Variants in AMBRA1 observed in about 807,000 individuals in gnomAD.
The protein encoded by AMBRA1 is activating molecule in BECN1-regulated autophagy protein 1.
In AMBRA1, 47 loss-of-function variants were observed where a neutral mutation model predicts 125.4. The observed-to-expected ratio is 0.37, with a 90% CI of 0.30 to 0.48. The LOEUF (loss-of-function observed/expected upper bound fraction) is 0.48, where lower values mean the gene tolerates loss of function less well. Ranked by LOEUF, AMBRA1 falls within the 20% of genes least tolerant of loss-of-function variation. AMBRA1 has a pLI of 0.99. For missense variants in AMBRA1, 1,331 were observed against 1,693.4 expected (o/e 0.79, Z 3.76); for synonymous variants, 626 against 655.5 (o/e 0.95, Z 0.69).
At chr11:46,448,291 C>T (rs764649563) in intron 11 of AMBRA1, among the ~76,000 whole-genome samples, 7 of 151,996 alleles carry the variant, frequency 4.6e-5, no homozygotes, top group Non-Finnish European at 8.8e-5. Flanking sequence ...ACTAGAAATC[C>T]GTAATAAAAA....
At chr11:46,449,433 G>C (rs544413366) in intron 11 of AMBRA1, among the ~76,000 whole-genome samples, 39 of 152,196 alleles carry the variant, frequency 2.6e-4, no homozygotes, top group South Asian at 1.2e-3. Flanking sequence ...ACTTACATTA[G>C]CATCAAAAAA....
intron 1 of AMBRA1, among the ~76,000 whole-genome samples, chr11:46,584,014 T>C (rs1347836573): frequency 1.4e-5 from 2 of 146,584 alleles, no homozygotes; most frequent in Non-Finnish European, 3.0e-5. Context: ...CCAGCCATCC[T>C]ATTACTGGGT....
At chr11:46,434,785 T>C in intron 13 of AMBRA1, 64 bp downstream of exon 13, 2 of 1,495,430 alleles carry the variant, frequency 1.3e-6, no homozygotes, top group South Asian at 2.7e-5. Flanking sequence ...GTGCCTCACC[T>C]AGCAATGACC....
intron 14 of AMBRA1, among the ~76,000 whole-genome samples, chr11:46,422,182 C>G (rs979632705): frequency 6.6e-6 from 1 of 152,188 alleles, no homozygotes; most frequent in Non-Finnish European, 1.5e-5. Flanking sequence ...GCTGCTGATT[C>G]ATGATTGACG....
chr11:46,535,623 A>C (rs1429759640), intron 7 of AMBRA1, among the ~76,000 whole-genome samples: 1 of 152,204 alleles, frequency 6.6e-6, no homozygotes, highest in African/African-American at 2.4e-5. Flanking sequence ...TTGCAGAAGA[A>C]TCTTTAAGGA....
intron 15 of AMBRA1, among the ~76,000 whole-genome samples, chr11:46,410,680 T>TG (rs1946243129): frequency 6.6e-6 from 1 of 152,212 alleles, no homozygotes. Context: ...ATACAGGCAG[T>TG]GGGTCCTGAG....
At chr11:46,434,540 T>G (rs1269598761) in intron 13 of AMBRA1, among the ~76,000 whole-genome samples, 1 of 152,250 alleles carries the variant, frequency 6.6e-6, no homozygotes, top group Non-Finnish European at 1.5e-5. Context: ...GCCAAAGAGC[T>G]GACACATTTT....
intron 11 of AMBRA1, among the ~76,000 whole-genome samples, chr11:46,470,446 G>A (rs992749850): frequency 2.6e-5 from 4 of 151,930 alleles, no homozygotes; most frequent in African/African-American, 7.3e-5. Flanking sequence ...AAAATTAGCC[G>A]GGCGTGGTGG....
intron 1 of AMBRA1, among the ~76,000 whole-genome samples, chr11:46,559,186 G>A (rs1167938587): frequency 6.6e-6 from 1 of 152,016 alleles, no homozygotes; most frequent in Admixed American, 6.6e-5. Context: ...TGTAATCCCA[G>A]CTACTCGGGA....
In AMBRA1 at chr11:46,548,424, A is replaced by C; in HGVS notation, c.-44T>G. The C allele has an allele frequency of 6.2e-7, 1 of 1,609,648 alleles. No individual in the cohort carries two copies. Among genetic ancestry groups the C allele is most frequent in the South Asian group, 1.1e-5 (1 of 91,044 alleles). ...TCACACCAGGCCCAGGAAATGAAGG[A>C]GCAAGTAACAGCTCCAACACACTGA... On this transcript the variant is annotated 5_prime_UTR_variant, in exon 2 of 18. Transcript: ENST00000683756.
intron 7 of AMBRA1, chr11:46,518,158 G>A (rs541217097): frequency 2.8e-4 from 273 of 969,894 alleles, no homozygotes; most frequent in South Asian, 2.1e-3. Flanking sequence ...GGCCAGGCGC[G>A]GTGGCTCACG....
At position 46,574,518 on chromosome 11, in the gene AMBRA1, T is replaced by A. The variant is rs912611598; in HGVS notation, c.-121+19310A>T. ...GCCCACTTTTTGATGGGGTTGTTTG[T>A]TTTTTTCTTGTAAATTTGTTTGAGT... On this transcript the variant is annotated intron_variant, in intron 1 of 17. Coordinates refer to ENST00000683756, the MANE Select transcript of AMBRA1 (RefSeq NM_001387011.1). Among the ~76,000 whole-genome samples the A allele has an allele frequency of 2.6e-5, 4 of 151,772 alleles. No homozygotes were observed. In the East Asian group the frequency reaches 7.7e-4, roughly 29 times the overall value.
chr11:46,546,899 C>T (rs1444285251), intron 4 of AMBRA1: 5 of 390,112 alleles, frequency 1.3e-5, no homozygotes, highest in African/African-American at 4.2e-5. Context: ...AGTGAATCCC[C>T]GTCTCTACTA....
At chr11:46,570,037 G>C (rs1054546973) in intron 1 of AMBRA1, among the ~76,000 whole-genome samples, 1 of 150,766 alleles carries the variant, frequency 6.6e-6, no homozygotes, top group Non-Finnish European at 1.5e-5. Flanking sequence ...CAAAGCAGGG[G>C]ATCACCTGAG....
At chr11:46,471,322 T>TA (rs1289938248) in intron 11 of AMBRA1, among the ~76,000 whole-genome samples, 1 of 152,006 alleles carries the variant, frequency 6.6e-6, no homozygotes, top group Non-Finnish European at 1.5e-5. Context: ...CTCATACCTG[T>TA]AATCCCAGCA....
At position 46,474,640 on chromosome 11, in the gene AMBRA1, G is replaced by A. The variant is rs150300312; in HGVS notation, c.2521+18968C>T. On this transcript the variant is annotated intron_variant, in intron 11 of 17. Coordinates refer to ENST00000683756, the MANE Select transcript of AMBRA1 (RefSeq NM_001387011.1). ...AGACCTCAGGTGATCCACCCACCTC[G>A]GCCTCCCAAAGTGCTGGGATTACAA... 2.0e-3 allele frequency among the ~76,000 whole-genome samples: 308 copies of A among 152,086 alleles called. 1 individual carries two copies. The highest frequency in any genetic ancestry group is 6.6e-3 in the African/African-American group (274 of 41,494).
intron 15 of AMBRA1, among the ~76,000 whole-genome samples, chr11:46,416,316 TGA>T (rs1292174198): frequency 1.3e-5 from 2 of 152,156 alleles, no homozygotes; most frequent in African/African-American, 4.8e-5. Flanking sequence ...GGGCAGAAAC[TGA>T]GAGACCCAAG....
rs1284315472 is a variant in AMBRA1, at chr11:46,583,662, A to C, written c.-121+10166T>G. 6.2e-3 allele frequency among the ~76,000 whole-genome samples: 815 copies of C among 131,476 alleles called. 8 individuals carry two copies. Among genetic ancestry groups the C allele is most frequent in the African/African-American group, 0.028 (777 of 27,528 alleles). 86.3% of individuals were successfully genotyped at this position (131,476 alleles called of 152,430 possible). A position where few individuals can be genotyped will look rare whatever the true frequency, so the allele number is the denominator to read the frequency against. ...ACTCAAACAAATTTCCAAAAAAAAA[A>C]AAAAAAAAAAAAAAAAACAACAAAA... On this transcript the variant is annotated intron_variant, in intron 1 of 17. Transcript: ENST00000683756.
intron 7 of AMBRA1, among the ~76,000 whole-genome samples, chr11:46,514,513 G>C (rs1951395281): frequency 6.6e-6 from 1 of 152,214 alleles, no homozygotes; most frequent in Admixed American, 6.5e-5. Flanking sequence ...TAAATCTTCA[G>C]TAACATCACT....
Sources: gnomAD v4.1 joint callset for allele counts (sites outside exome capture counted in the v4.1 genomes callset) on GRCh38, gnomAD v4.1.1 for gene constraint, MANE v1.5 for transcripts, NCBI Gene and HGNC (gene_info 2026-07-23, HGNC 2026-07-21) for gene names.